Variants in EHBP1 observed in about 807,000 individuals in gnomAD.
The protein encoded by EHBP1 is EH domain-binding protein 1.
Under a neutral mutation model 144.0 loss-of-function variants are expected in EHBP1, and 55 were observed. That is an observed-to-expected ratio of 0.38 (90% CI 0.31 to 0.48). EHBP1 has a LOEUF of 0.48. Among genes scored for constraint, EHBP1 ranks in the 20% least tolerant of loss-of-function variants. EHBP1 has a pLI of 0.98. For synonymous variants in EHBP1, 469 were observed against 472.7 expected (o/e 0.99, Z 0.10); for missense variants, 1,200 against 1,364.2 (o/e 0.88, Z 1.90).
intron 8 of EHBP1, 90 bp from the exon 9 acceptor site, chr2:62,864,641 C>A (rs527968404): frequency 2.4e-5 from 30 of 1,274,324 alleles, no homozygotes; most frequent in South Asian, 3.0e-5. Context: ...CTTATTAATT[C>A]AATAATGCAT....
intron 5 of EHBP1, among the ~76,000 whole-genome samples, chr2:62,812,266 T>C (rs1484971063): frequency 1.3e-5 from 2 of 152,138 alleles, no homozygotes; most frequent in African/African-American, 4.8e-5. Flanking sequence ...CACTCTCTGA[T>C]ACTCTTGTTA....
intron 10 of EHBP1, among the ~76,000 whole-genome samples, chr2:62,936,178 A>T (rs1456236578): frequency 6.6e-6 from 1 of 151,904 alleles, no homozygotes; most frequent in East Asian, 1.9e-4. Flanking sequence ...AATATTGGAG[A>T]TTTTTTTTCC....
At chr2:62,996,608 AT>A (rs760944432) in intron 18 of EHBP1, 34 bp from the exon 19 acceptor site, 56 of 1,604,678 alleles carry the variant, frequency 3.5e-5, no homozygotes, top group South Asian at 2.2e-4. Flanking sequence ...CTTACAAGTG[AT>A]TTTTTTTTCC....
chr2:62,831,249 T>C (rs765562188), intron 7 of EHBP1, 91 bp downstream of exon 7: 13 of 1,287,722 alleles, frequency 1.0e-5, no homozygotes, highest in Admixed American at 6.0e-5. Flanking sequence ...CAATTCTACT[T>C]ATTGGGTTTC....
chr2:62,855,907 A>G (rs2049016400), intron 7 of EHBP1, among the ~76,000 whole-genome samples: 1 of 152,166 alleles, frequency 6.6e-6, no homozygotes, highest in Non-Finnish European at 1.5e-5. Flanking sequence ...AAGCCACTCC[A>G]CGGTCTCTCT....
At chr2:62,934,168 A>G (rs1368263102) in intron 10 of EHBP1, among the ~76,000 whole-genome samples, 1 of 152,158 alleles carries the variant, frequency 6.6e-6, no homozygotes, top group Non-Finnish European at 1.5e-5. Flanking sequence ...TTTTTTCATC[A>G]GCCCTGTAAG....
intron 4 of EHBP1, 95 bp downstream of exon 4, chr2:62,764,456 C>A (rs2152321748): frequency 2.2e-6 from 2 of 910,532 alleles, no homozygotes; most frequent in Non-Finnish European, 3.2e-6. Context: ...ACATTTGTGT[C>A]CAGTCTGGTA....
chr2:62,775,853 G>C (rs909243215), intron 5 of EHBP1, among the ~76,000 whole-genome samples: 1 of 152,176 alleles, frequency 6.6e-6, no homozygotes, highest in African/African-American at 2.4e-5. Context: ...ATTTTATCCA[G>C]TCTTGTCTTT....
chr2:62,853,136 T>G (rs1025054917), intron 7 of EHBP1, among the ~76,000 whole-genome samples: 1 of 152,212 alleles, frequency 6.6e-6, no homozygotes, highest in Non-Finnish European at 1.5e-5. Flanking sequence ...GACAGCCTAG[T>G]ATTTTCATAC....
At position 62,993,927 on chromosome 2, in the gene EHBP1, G is replaced by T. The variant is rs141717012; in HGVS notation, c.2929G>T (p.Ala977Ser). ...TACAAAGAAAGGAAATGAGGAGAAG[G>T]CAGCGATAACTGAAACTCAGAGGAA... The part of the protein sequence containing the change: ...EDTKKGNEEK[A>S]AITETQRKPS... Residue 977 changes from alanine (A) to serine (S), a missense_variant, in exon 18 of 23, where the codon GCA becomes TCA. This residue lies in a region of EHBP1 where 543 missense variants were observed against 513.1 expected (regional missense o/e 1.06). Transcript: ENST00000431489. 92 of 1,591,504 alleles carry T rather than the reference G, an allele frequency of 5.8e-5. No individual in the cohort carries two copies. The Admixed American group carries it at 1.3e-3, about 22-fold the overall frequency.
intron 7 of EHBP1, among the ~76,000 whole-genome samples, chr2:62,835,536 A>C (rs7571916): frequency 0.34 from 52,059 of 152,116 alleles, 9,227 homozygotes; most frequent in Middle Eastern, 0.5. Context: ...TCCCAGCGTG[A>C]GCGACGCAGA....
intron 5 of EHBP1, among the ~76,000 whole-genome samples, chr2:62,775,074 C>T (rs2041962597): frequency 6.6e-6 from 1 of 152,112 alleles, no homozygotes. Context: ...TTTATGATTA[C>T]ATAGTTATAA....
At chr2:62,819,918 C>T (rs774883931) in intron 5 of EHBP1, among the ~76,000 whole-genome samples, 5 of 151,834 alleles carry the variant, frequency 3.3e-5, no homozygotes, top group Non-Finnish European at 4.4e-5. Context: ...ATATTAAGAA[C>T]ATGATGTTGA....
At chr2:62,676,912 G>T (rs183649188) in intron 1 of EHBP1, among the ~76,000 whole-genome samples, 2 of 152,322 alleles carry the variant, frequency 1.3e-5, no homozygotes, top group Admixed American at 1.3e-4. Flanking sequence ...GATGCATCAT[G>T]CCTATAATGC....
intron 19 of EHBP1, among the ~76,000 whole-genome samples, chr2:63,029,370 A>T (rs1237987747): frequency 1.3e-5 from 2 of 151,552 alleles, no homozygotes; most frequent in South Asian, 2.1e-4. Flanking sequence ...TAAAAATACA[A>T]TTTGTGTCCA....
At chr2:62,685,512 C>T (rs1260513351) in intron 1 of EHBP1, among the ~76,000 whole-genome samples, 1 of 152,012 alleles carries the variant, frequency 6.6e-6, no homozygotes, top group South Asian at 2.1e-4. Flanking sequence ...TCCCAGTGTC[C>T]CCTTTTGATA....
At chr2:62,700,420 C>T (rs139932810) in intron 1 of EHBP1, among the ~76,000 whole-genome samples, 82 of 152,150 alleles carry the variant, frequency 5.4e-4, no homozygotes, top group Non-Finnish European at 9.7e-4. Context: ...GCTTACATAG[C>T]ATCACTATGT....
chr2:62,915,055 C>T (rs2054503157), intron 10 of EHBP1, among the ~76,000 whole-genome samples: 1 of 151,824 alleles, frequency 6.6e-6, no homozygotes, highest in Non-Finnish European at 1.5e-5. Context: ...AAAAATGTGC[C>T]TTCCCCATAG....
At chr2:62,876,597 A>C (rs1210559940) in intron 10 of EHBP1, among the ~76,000 whole-genome samples, 2 of 152,208 alleles carry the variant, frequency 1.3e-5, no homozygotes, top group African/African-American at 2.4e-5. Context: ...AGACTGGGTA[A>C]TTTATTTTAA....
Sources: allele counts gnomAD v4.1 joint callset (sites outside exome capture counted in the v4.1 genomes callset), GRCh38; gene constraint gnomAD v4.1.1; regional missense constraint gnomAD v4.1.1; transcripts MANE v1.5; gene names NCBI Gene and HGNC (gene_info 2026-07-23, HGNC 2026-07-21).